Variants in MAGI2 observed in about 807,000 individuals in gnomAD.
The protein encoded by MAGI2 is membrane-associated guanylate kinase, WW and PDZ domain-containing protein 2.
Under a neutral mutation model 133.3 loss-of-function variants are expected in MAGI2, and 35 were observed. The ratio of observed to expected loss-of-function variants is 0.26; its 90% CI spans 0.20 to 0.35. MAGI2 has a LOEUF of 0.35. MAGI2 is among the 10% of genes least tolerant of loss of function. MAGI2 has a pLI of 1.00. For synonymous variants in MAGI2, 729 were observed against 710.6 expected (o/e 1.03, Z -0.41); for missense variants, 1,636 against 1,863.4 (o/e 0.88, Z 2.25).
intron 2 of MAGI2, among the ~76,000 whole-genome samples, chr7:78,655,456 A>AG: frequency 7.6e-6 from 1 of 131,632 alleles, no homozygotes; most frequent in Admixed American, 7.8e-5. Context: ...AAAACAACCA[A>AG]AAAAAAAAAA....
intron 1 of MAGI2, among the ~76,000 whole-genome samples, chr7:79,427,932 GA>G (rs1465154355): frequency 6.6e-6 from 1 of 152,034 alleles, no homozygotes; most frequent in Non-Finnish European, 1.5e-5. Context: ...AGATGAAAGG[GA>G]AAAACAAGAA....
chr7:79,376,383 G>C (rs1357615659), intron 1 of MAGI2, among the ~76,000 whole-genome samples: 2 of 151,766 alleles, frequency 1.3e-5, no homozygotes, highest in African/African-American at 2.4e-5. Context: ...CTTCTTTTTT[G>C]TGATGATTTG....
chr7:79,315,948 G>T (rs941387938), intron 1 of MAGI2, among the ~76,000 whole-genome samples: 4 of 152,102 alleles, frequency 2.6e-5, no homozygotes, highest in Admixed American at 2.6e-4. Context: ...GCAGGTCAAG[G>T]CTGAGAAGCT....
At chr7:79,436,811 A>C (rs187281356) in intron 1 of MAGI2, among the ~76,000 whole-genome samples, 1 of 152,302 alleles carries the variant, frequency 6.6e-6, no homozygotes, top group Admixed American at 6.5e-5. Flanking sequence ...TAATAAAAAT[A>C]GAATTTCCAT....
At chr7:78,551,406 T>C (rs1000414023) in intron 3 of MAGI2, among the ~76,000 whole-genome samples, 2 of 152,218 alleles carry the variant, frequency 1.3e-5, no homozygotes, top group African/African-American at 4.8e-5. Flanking sequence ...CACTTCTGAG[T>C]CTCTTCCACA....
At chr7:79,125,063 C>A in intron 1 of MAGI2, 1 of 220,902 alleles carries the variant, frequency 4.5e-6, no homozygotes, top group Non-Finnish European at 9.1e-6. Context: ...TTTGTAGGCG[C>A]CATTAAAGAA....
intron 6 of MAGI2, among the ~76,000 whole-genome samples, chr7:78,469,886 C>T (rs898546339): frequency 6.6e-6 from 1 of 152,068 alleles, no homozygotes; most frequent in Non-Finnish European, 1.5e-5. Flanking sequence ...TTTATTTTTG[C>T]GTGCATGTTT....
At chr7:79,120,483 A>C (rs569405573) in intron 1 of MAGI2, among the ~76,000 whole-genome samples, 2 of 152,060 alleles carry the variant, frequency 1.3e-5, no homozygotes, top group South Asian at 2.1e-4. Flanking sequence ...CAACTAAAAA[A>C]CCCTTTACAT....
At position 78,597,374 on chromosome 7, in the gene MAGI2, T is replaced by TG. The variant is rs60023774; in HGVS notation, c.538+29745dup. The stretch of plus-strand genomic sequence containing the variant: ...AAAACAGTAAAATAAATGAATTCCT[T>TG]GGGGGGGGGGGTCTTATAAATAATT... On this transcript the variant is annotated intron_variant, in intron 3 of 21. Transcript: ENST00000354212. Among the ~76,000 whole-genome samples the TG allele has an allele frequency of 6.0e-3, 854 of 142,544 alleles. 7 individuals are homozygous for TG. The highest frequency in any genetic ancestry group is 0.023 in the East Asian group (93 of 4,048). The allele number at this position is 142,544 out of a possible 152,430, so 93.5% of individuals were successfully genotyped here. A position where few individuals can be genotyped will look rare whatever the true frequency, so the allele number is the denominator to read the frequency against.
intron 9 of MAGI2, among the ~76,000 whole-genome samples, chr7:78,307,683 C>T (rs1028420670): frequency 6.6e-6 from 1 of 152,082 alleles, no homozygotes; most frequent in African/African-American, 2.4e-5. Flanking sequence ...TGAGGTAGAC[C>T]TTAATGAATC....
intron 2 of MAGI2, among the ~76,000 whole-genome samples, chr7:78,916,837 T>C (rs950685205): frequency 6.6e-6 from 1 of 152,162 alleles, no homozygotes; most frequent in Non-Finnish European, 1.5e-5. Flanking sequence ...CCCAAGAACC[T>C]AGACTTTGTT....
intron 1 of MAGI2, among the ~76,000 whole-genome samples, chr7:79,026,965 T>C (rs961914876): frequency 1.3e-5 from 2 of 152,162 alleles, no homozygotes; most frequent in Non-Finnish European, 2.9e-5. Context: ...TAAAAAATGC[T>C]TAATTCACTA....
intron 4 of MAGI2, among the ~76,000 whole-genome samples, chr7:78,517,249 A>G (rs1796122341): frequency 6.6e-6 from 1 of 151,502 alleles, no homozygotes; most frequent in Non-Finnish European, 1.5e-5. Flanking sequence ...GTAAGGATAC[A>G]TCGTACTTGT....
intron 2 of MAGI2, among the ~76,000 whole-genome samples, chr7:78,879,850 A>G (rs1384327136): frequency 6.6e-6 from 1 of 152,116 alleles, no homozygotes; most frequent in Non-Finnish European, 1.5e-5. Flanking sequence ...ATCAATCCAG[A>G]AAACTTCTTA....
intron 1 of MAGI2, among the ~76,000 whole-genome samples, chr7:79,105,050 T>G (rs1342476326): frequency 6.6e-6 from 1 of 152,220 alleles, no homozygotes; most frequent in Admixed American, 6.5e-5. Context: ...AACAACATGT[T>G]TTGCTCTCCA....
intron 2 of MAGI2, among the ~76,000 whole-genome samples, chr7:78,861,263 C>A (rs928375529): frequency 3.9e-5 from 6 of 152,170 alleles, no homozygotes; most frequent in Admixed American, 6.5e-5. Flanking sequence ...GAGATGAACC[C>A]AGTACCTCAG....
chr7:78,533,307 C>T (rs759260988), intron 3 of MAGI2, among the ~76,000 whole-genome samples: 65 of 151,726 alleles, frequency 4.3e-4, no homozygotes, highest in Non-Finnish European at 5.3e-4. Context: ...TACTGAGAAA[C>T]GAGCACAGTA....
intron 2 of MAGI2, among the ~76,000 whole-genome samples, chr7:78,890,663 T>C (rs1462328223): frequency 6.6e-6 from 1 of 152,144 alleles, no homozygotes; most frequent in Non-Finnish European, 1.5e-5. Flanking sequence ...GAAATAAAGA[T>C]ATTCTTTGAA....
At chr7:79,077,574 C>CAA (rs769770373) in intron 1 of MAGI2, among the ~76,000 whole-genome samples, 310 of 23,720 alleles carry the variant, frequency 0.013, 33 homozygotes, top group East Asian at 0.02. Context: ...GACTGCCTCT[C>CAA]AAAAAAAAAA....
Sources: gnomAD v4.1 joint callset for allele counts (sites outside exome capture counted in the v4.1 genomes callset) on GRCh38, gnomAD v4.1.1 for gene constraint, MANE v1.5 for transcripts, NCBI Gene and HGNC (gene_info 2026-07-23, HGNC 2026-07-21) for gene names.